SKAP2: variants seen among roughly 807,000 people sequenced by gnomAD.
The protein encoded by SKAP2 is src kinase associated phosphoprotein 2.
SKAP2 carries 28 observed loss-of-function variants against 54.9 expected under a neutral mutation model. The observed-to-expected ratio is 0.51, with a 90% CI of 0.38 to 0.70. The LOEUF is 0.70. Among genes scored for constraint, SKAP2 ranks in the 30% least tolerant of loss-of-function variants. The pLI, the probability that SKAP2 is intolerant of heterozygous loss-of-function variation, is 0.00. For missense variants in SKAP2, 356 were observed against 424.1 expected (o/e 0.84, Z 1.41); for synonymous variants, 137 against 134.3 (o/e 1.02, Z -0.14).
At chr7:26,842,288 A>G (rs1784832350) in intron 4 of SKAP2, among the ~76,000 whole-genome samples, 1 of 151,692 alleles carries the variant, frequency 6.6e-6, no homozygotes, top group African/African-American at 2.4e-5. Flanking sequence ...ATTAAATAAT[A>G]TTTAAAATCA....
intron 4 of SKAP2, among the ~76,000 whole-genome samples, chr7:26,764,880 T>C (rs183667194): frequency 1.7e-3 from 252 of 152,342 alleles, no homozygotes; most frequent in African/African-American, 5.8e-3. Context: ...CAGTCTAACA[T>C]TGATGGGCAT....
intron 11 of SKAP2, among the ~76,000 whole-genome samples, chr7:26,682,074 CAATT>C (rs1397603007): frequency 6.6e-6 from 1 of 152,120 alleles, no homozygotes; most frequent in African/African-American, 2.4e-5. Context: ...CTGAGAAACT[CAATT>C]AAACACACTG....
At chr7:26,682,418 G>A (rs1012398501) in intron 11 of SKAP2, among the ~76,000 whole-genome samples, 2 of 152,186 alleles carry the variant, frequency 1.3e-5, no homozygotes, top group African/African-American at 4.8e-5. Flanking sequence ...ATCAAGGAAA[G>A]CTAAATGTCT....
At chr7:26,817,890 G>A (rs935119027) in intron 4 of SKAP2, among the ~76,000 whole-genome samples, 7 of 151,240 alleles carry the variant, frequency 4.6e-5, no homozygotes, top group African/African-American at 1.7e-4. Context: ...AAGATATGAA[G>A]GACTTCTTCA....
At chr7:26,808,612 T>C (rs547277347) in intron 4 of SKAP2, among the ~76,000 whole-genome samples, 1 of 151,882 alleles carries the variant, frequency 6.6e-6, no homozygotes, top group South Asian at 2.1e-4. Flanking sequence ...GTGGTTAAAA[T>C]TGTAAATTTC....
At chr7:26,710,751 G>C (rs1481172866) in intron 9 of SKAP2, among the ~76,000 whole-genome samples, 1 of 152,158 alleles carries the variant, frequency 6.6e-6, no homozygotes, top group East Asian at 1.9e-4. Flanking sequence ...GCAGCAGAAA[G>C]ATAGGACTTA....
chr7:26,782,923 A>G (rs1479249265), intron 4 of SKAP2, among the ~76,000 whole-genome samples: 2 of 152,182 alleles, frequency 1.3e-5, no homozygotes, highest in African/African-American at 4.8e-5. Context: ...ATTATAAGTT[A>G]CCCAGGCTAA....
chr7:26,764,588 CTTTTT>C (rs1448481951), intron 4 of SKAP2, among the ~76,000 whole-genome samples: 1 of 151,122 alleles, frequency 6.6e-6, no homozygotes, highest in East Asian at 1.9e-4. Flanking sequence ...TTTCTTTTAT[CTTTTT>C]TTATTTTTAT....
chr7:26,833,867 C>T (rs984682371), intron 4 of SKAP2, among the ~76,000 whole-genome samples: 4 of 152,176 alleles, frequency 2.6e-5, no homozygotes, highest in Non-Finnish European at 5.9e-5. Context: ...ATCTACAGAA[C>T]TCTCCACCCC....
intron 6 of SKAP2, among the ~76,000 whole-genome samples, chr7:26,728,319 T>C (rs1258513475): frequency 6.6e-6 from 1 of 152,124 alleles, no homozygotes; most frequent in East Asian, 1.9e-4. Flanking sequence ...TAAACAAGAG[T>C]TAAGCAGTTT....
At chr7:26,816,331 A>G (rs1784265141) in intron 4 of SKAP2, among the ~76,000 whole-genome samples, 1 of 152,122 alleles carries the variant, frequency 6.6e-6, no homozygotes, top group Non-Finnish European at 1.5e-5. Context: ...TAACTGGCAG[A>G]GCTTATGCTG....
intron 4 of SKAP2, among the ~76,000 whole-genome samples, chr7:26,832,281 T>C (rs1343138600): frequency 6.6e-6 from 1 of 152,248 alleles, no homozygotes; most frequent in Non-Finnish European, 1.5e-5. Context: ...CTATTGCTTA[T>C]AGCATCTTGG....
chr7:26,815,981 T>G (rs952440651), intron 4 of SKAP2, among the ~76,000 whole-genome samples: 11 of 152,132 alleles, frequency 7.2e-5, no homozygotes, highest in African/African-American at 2.7e-4. Flanking sequence ...ATTTTTGAAA[T>G]TTTGCTTGAC....
intron 3 of SKAP2, among the ~76,000 whole-genome samples, chr7:26,847,226 T>G (rs759408174): frequency 6.6e-5 from 10 of 152,170 alleles, no homozygotes; most frequent in Non-Finnish European, 1.3e-4. Flanking sequence ...AGAATCTATA[T>G]GCTATATATA....
At chr7:26,682,017 C>T (rs1034008037) in intron 11 of SKAP2, among the ~76,000 whole-genome samples, 1 of 151,846 alleles carries the variant, frequency 6.6e-6, no homozygotes, top group African/African-American at 2.4e-5. Flanking sequence ...TAAAAAAAAA[C>T]AGAAAGGTAA....
At chr7:26,740,078 C>A in intron 4 of SKAP2, 114 bp from the exon 5 acceptor site, 1 of 577,990 alleles carries the variant, frequency 1.7e-6, no homozygotes, top group Non-Finnish European at 3.0e-6. Flanking sequence ...TTGTTTAAAT[C>A]TAAGTCTATT....
At chr7:26,721,877 T>A (rs1337833515) in intron 9 of SKAP2, among the ~76,000 whole-genome samples, 1 of 152,196 alleles carries the variant, frequency 6.6e-6, no homozygotes, top group Non-Finnish European at 1.5e-5. Context: ...TTTCCCCTTT[T>A]GAGATTCAAA....
intron 4 of SKAP2, among the ~76,000 whole-genome samples, chr7:26,741,792 T>C (rs115918124): frequency 0.011 from 1,612 of 151,840 alleles, 28 homozygotes; most frequent in African/African-American, 0.037. Flanking sequence ...GGAAGTTTAT[T>C]ATTTACAAAC....
chr7:26,816,942 C>G (rs1049466783), intron 4 of SKAP2, among the ~76,000 whole-genome samples: 2 of 152,052 alleles, frequency 1.3e-5, no homozygotes, highest in Admixed American at 1.3e-4. Flanking sequence ...TATCTGAACC[C>G]CTGTTGTGGG....
Sources: gnomAD v4.1 joint callset for allele counts (sites outside exome capture counted in the v4.1 genomes callset) on GRCh38, gnomAD v4.1.1 for gene constraint, MANE v1.5 for transcripts, NCBI Gene and HGNC (gene_info 2026-07-23, HGNC 2026-07-21) for gene names.